Variants in KCNIP4 observed in about 807,000 individuals in gnomAD.
KCNIP4 encodes Kv channel-interacting protein 4.
In KCNIP4, 12 loss-of-function variants were observed where a neutral mutation model predicts 34.0. That is an observed-to-expected ratio of 0.35 (90% CI 0.23 to 0.57). KCNIP4 has a LOEUF of 0.57. Among genes scored for constraint, KCNIP4 ranks in the 20% least tolerant of loss-of-function variants. The pLI is 0.83. For missense variants in KCNIP4, 238 were observed against 311.7 expected, an observed-to-expected ratio of 0.76 and a Z score of 1.78; for synonymous variants, 124 against 102.2, an observed-to-expected ratio of 1.21 and a Z score of -1.29.
intron 1 of KCNIP4, among the ~76,000 whole-genome samples, chr4:21,326,745 T>C (rs1715109985): frequency 6.6e-6 from 1 of 151,932 alleles, no homozygotes; most frequent in Admixed American, 6.6e-5. Context: ...GTCTTCCTTT[T>C]AGTGAAGGTG....
intron 1 of KCNIP4, among the ~76,000 whole-genome samples, chr4:21,106,870 A>G (rs925530033): frequency 5.3e-5 from 8 of 151,660 alleles, no homozygotes; most frequent in African/African-American, 2.0e-4. Context: ...GTAGTCATTC[A>G]GGAACAGGTT....
At chr4:21,243,654 A>G (rs560960692) in intron 1 of KCNIP4, among the ~76,000 whole-genome samples, 1 of 152,296 alleles carries the variant, frequency 6.6e-6, no homozygotes, top group African/African-American at 2.4e-5. Context: ...TATCAGTTGC[A>G]TTAAATGCTT....
intron 2 of KCNIP4, among the ~76,000 whole-genome samples, chr4:20,868,679 G>T (rs565031706): frequency 1.3e-5 from 2 of 152,028 alleles, no homozygotes; most frequent in Non-Finnish European, 2.9e-5. Context: ...AGGAAATCTT[G>T]TCCTTTCAGC....
intron 1 of KCNIP4, among the ~76,000 whole-genome samples, chr4:21,087,996 A>G (rs1039069045): frequency 1.3e-5 from 2 of 152,132 alleles, no homozygotes; most frequent in African/African-American, 4.8e-5. Flanking sequence ...TGGTCATGCC[A>G]CAAATCCTAA....
intron 3 of KCNIP4, among the ~76,000 whole-genome samples, chr4:20,829,744 T>C (rs780105153): frequency 1.3e-5 from 2 of 152,162 alleles, no homozygotes; most frequent in Non-Finnish European, 2.9e-5. Context: ...TAGCCTCTAC[T>C]CTCATTCCTC....
At chr4:21,071,254 T>G (rs1178708671) in intron 1 of KCNIP4, among the ~76,000 whole-genome samples, 1 of 152,200 alleles carries the variant, frequency 6.6e-6, no homozygotes, top group Non-Finnish European at 1.5e-5. Context: ...TTGTTCATTT[T>G]AAGTTAATTT....
chr4:20,984,562 G>C (rs1193186365), intron 1 of KCNIP4, among the ~76,000 whole-genome samples: 3 of 152,202 alleles, frequency 2.0e-5, no homozygotes, highest in African/African-American at 7.2e-5. Context: ...AGGGAGAAAA[G>C]TGCAGGAGCA....
At chr4:21,068,551 T>C (rs1055379270) in intron 1 of KCNIP4, among the ~76,000 whole-genome samples, 1 of 152,122 alleles carries the variant, frequency 6.6e-6, no homozygotes, top group South Asian at 2.1e-4. Context: ...CTCCACACAG[T>C]AGGGTGTGTG....
At chr4:21,917,122 T>G (rs1484898339) in intron 1 of KCNIP4, among the ~76,000 whole-genome samples, 1 of 141,376 alleles carries the variant, frequency 7.1e-6, no homozygotes, top group Non-Finnish European at 1.5e-5. Flanking sequence ...TTTAGTACAG[T>G]TTTGTTTTTT....
intron 1 of KCNIP4, among the ~76,000 whole-genome samples, chr4:21,662,411 G>T (rs547189696): frequency 1.3e-5 from 2 of 152,124 alleles, no homozygotes; most frequent in African/African-American, 4.8e-5. Flanking sequence ...AATAAAAGTT[G>T]CTCACTGGCC....
chr4:21,696,474 T>C (rs2109055184), intron 1 of KCNIP4, among the ~76,000 whole-genome samples: 1 of 152,224 alleles, frequency 6.6e-6, no homozygotes, highest in East Asian at 1.9e-4. Flanking sequence ...TAGGTCAGTA[T>C]TTGAAAAATA....
chr4:21,180,029 GT>G (rs1052709435), intron 1 of KCNIP4, among the ~76,000 whole-genome samples: 1 of 152,094 alleles, frequency 6.6e-6, no homozygotes, highest in Non-Finnish European at 1.5e-5. Context: ...AAAAAATAAT[GT>G]TTTTTTCCAT....
At chr4:21,637,013 C>T (rs1333901481) in intron 1 of KCNIP4, among the ~76,000 whole-genome samples, 3 of 152,002 alleles carry the variant, frequency 2.0e-5, no homozygotes, top group South Asian at 4.1e-4. Flanking sequence ...CAAGCAGCAG[C>T]GAAGAGGGGA....
At chr4:21,305,119 T>G (rs577465985) in intron 1 of KCNIP4, among the ~76,000 whole-genome samples, 1 of 152,242 alleles carries the variant, frequency 6.6e-6, no homozygotes, top group Non-Finnish European at 1.5e-5. Flanking sequence ...AGAGACAGCA[T>G]CTTAGAAAGC....
chr4:21,132,745 A>G (rs1407969694), intron 1 of KCNIP4, among the ~76,000 whole-genome samples: 1 of 151,858 alleles, frequency 6.6e-6, no homozygotes, highest in Non-Finnish European at 1.5e-5. Context: ...ACGGTGGCTC[A>G]CGCCTGTAAT....
At chr4:21,255,989 C>T (rs2109090520) in intron 1 of KCNIP4, among the ~76,000 whole-genome samples, 1 of 152,124 alleles carries the variant, frequency 6.6e-6, no homozygotes, top group South Asian at 2.1e-4. Flanking sequence ...GTGTAGCTTA[C>T]ATTTTAGTGA....
intron 1 of KCNIP4, among the ~76,000 whole-genome samples, chr4:21,519,333 G>A (rs1485207184): frequency 7.4e-6 from 1 of 135,754 alleles, no homozygotes; most frequent in Non-Finnish European, 1.6e-5. Context: ...AATAATAGGA[G>A]AGAGAGAGAT....
chr4:21,593,142 T>C (rs1383672719), intron 1 of KCNIP4, among the ~76,000 whole-genome samples: 1 of 151,226 alleles, frequency 6.6e-6, no homozygotes, highest in African/African-American at 2.4e-5. Flanking sequence ...TGTGTGTGTG[T>C]GTGTTTCTTA....
chr4:21,389,168 T>G (rs1722306931), intron 1 of KCNIP4, among the ~76,000 whole-genome samples: 1 of 151,826 alleles, frequency 6.6e-6, no homozygotes, highest in Non-Finnish European at 1.5e-5. Flanking sequence ...TTTATAGAGA[T>G]AGGGGTTTCA....
Sources: allele counts gnomAD v4.1 joint callset (sites outside exome capture counted in the v4.1 genomes callset), GRCh38; gene constraint gnomAD v4.1.1; transcripts MANE v1.5; gene names NCBI Gene and HGNC (gene_info 2026-07-23, HGNC 2026-07-21).